The following ICE1 variants were observed in gnomAD, a reference collection of about 807,000 sequenced individuals.
The protein encoded by ICE1 is interactor of little elongation complex ELL subunit 1.
ICE1 carries 64 observed loss-of-function variants against 192.7 expected under a neutral mutation model. The ratio of observed to expected loss-of-function variants is 0.33; its 90% CI spans 0.27 to 0.41. ICE1 has a LOEUF of 0.41. Ranked by LOEUF, ICE1 falls within the 10% of genes least tolerant of loss-of-function variation. ICE1 has a pLI of 1.00. For synonymous variants in ICE1, 1,010 were observed against 984.5 expected (o/e 1.03, Z -0.49); for missense variants, 2,708 against 2,696.0 (o/e 1.00, Z -0.10).
In ICE1 at chr5:5,460,572, G is replaced by A. The variant is rs1346867049; in HGVS notation, c.1238G>A (p.Ser413Asn). Residue 413 changes from serine (S) to asparagine (N), a missense_variant, in exon 13 of 19, where the codon AGT becomes AAT. Around this residue, in one of 2 missense-constraint regions of ICE1, gnomAD observed 2,366 missense variants for 2,276.6 expected, o/e 1.04. Coordinates refer to ENST00000296564, the MANE Select transcript of ICE1 (RefSeq NM_015325.3). ...YFGSLRKNKGSGTWEEKPKSH... is the reference protein window; with the variant it reads ...YFGSLRKNKGNGTWEEKPKSH... ...GGCTCATTGAGAAAAAATAAAGGAA[G>A]TGGCACATGGGAGGAAAAGCCCAAA... The A allele has an allele frequency of 1.9e-6, 3 of 1,612,642 alleles. No individual in the cohort carries two copies. Among genetic ancestry groups the A allele is most frequent in the Non-Finnish European group, 2.5e-6 (3 of 1,179,280 alleles).
In ICE1 at chr5:5,457,312, A is replaced by G; in HGVS notation, c.692-20A>G. 1 of 1,564,872 alleles carries G rather than the reference A, an allele frequency of 6.4e-7. No individual in the cohort carries two copies. Among genetic ancestry groups the G allele is most frequent in the Non-Finnish European group, 8.6e-7 (1 of 1,158,476 alleles). On this transcript the variant is annotated intron_variant, in intron 11 of 18. Coordinates refer to ENST00000296564, the MANE Select transcript of ICE1 (RefSeq NM_015325.3). The stretch of plus-strand genomic sequence containing the variant: ...TTGATATTGTAAATACCTGATACCT[A>G]CTTTTGTTCCCCCACATAGAAAAAC...
chr5:5,476,436 CTA>C (rs1418775006), intron 17 of ICE1, among the ~76,000 whole-genome samples: 2 of 152,116 alleles, frequency 1.3e-5, no homozygotes, highest in Admixed American at 1.3e-4. Context: ...TCTTGCATTG[CTA>C]TATAAAACTA....
Position 5,454,543 on chromosome 5 carries a change from GT to G in ICE1, c.605-6del. On this transcript the variant is annotated splice_region_variant and splice_polypyrimidine_tract_variant and intron_variant, in intron 10 of 18. Transcript: ENST00000296564. ...TGACGTGACTTTAATGCTTTGCTCT[GT>G]TTCACAGGAAAAGTGAAACTGCTTC... is the stretch of plus-strand genomic sequence containing the variant. The G allele has an allele frequency of 6.2e-7, 1 of 1,608,982 alleles. No individual in the cohort carries two copies. The highest frequency in any genetic ancestry group is 8.5e-7 in the Non-Finnish European group (1 of 1,175,998).
At chr5:5,475,612 A>G (rs1443565051) in intron 16 of ICE1, among the ~76,000 whole-genome samples, 1 of 152,232 alleles carries the variant, frequency 6.6e-6, no homozygotes, top group Admixed American at 6.5e-5. Context: ...CTGCCGGATA[A>G]CTTGGCTTCT....
chr5:5,430,577 T>A (rs977200200), intron 1 of ICE1, among the ~76,000 whole-genome samples: 10 of 152,224 alleles, frequency 6.6e-5, no homozygotes, highest in Non-Finnish European at 2.9e-5. Context: ...TCATCCCTGC[T>A]TTCCAAGACA....
chr5:5,444,299 C>G lies in ICE1; in HGVS notation c.397C>G (p.Leu133Val), dbSNP rs1417147164. ...CLKSDAQKKKLEAKVKKLQEA... is the reference protein window; with the variant it reads ...CLKSDAQKKKVEAKVKKLQEA... ...CAATTTCGTTATTAGGAAGAAGAAA[C>G]TAGAAGCTAAGGTGAAGAAGCTGCA... Residue 133 changes from leucine to valine, a missense_variant, in exon 7 of 19, where the codon CTA becomes GTA. Coordinates refer to ENST00000296564, the MANE Select transcript of ICE1 (RefSeq NM_015325.3). 2 of 1,565,990 alleles carry G rather than the reference C, an allele frequency of 1.3e-6. No individual in the cohort carries two copies. Among genetic ancestry groups the G allele is most frequent in the Non-Finnish European group, 1.7e-6 (2 of 1,153,302 alleles).
intron 17 of ICE1, among the ~76,000 whole-genome samples, chr5:5,481,824 C>T (rs118146234): frequency 5.3e-5 from 8 of 152,270 alleles, no homozygotes; most frequent in East Asian, 1.9e-4. Context: ...CTCCAGTATT[C>T]GGTACAGGAA....
At chr5:5,466,108 C>T (rs1401208631) in intron 13 of ICE1, among the ~76,000 whole-genome samples, 1 of 152,160 alleles carries the variant, frequency 6.6e-6, no homozygotes, top group Admixed American at 6.5e-5. Flanking sequence ...ATTTACCAGC[C>T]ATAGGAAACA....
At position 5,468,934 on chromosome 5, in the gene ICE1, A is replaced by AC; in HGVS notation, c.6169dup (p.Arg2057ProfsTer3). ...AAGCAATGCAGTTAGTTGCCAGGCA[A>AC]CGTGCTAAAGGAGAGGTTCTGAACT... On this transcript the variant is annotated frameshift_variant, in exon 15 of 19. Transcript: ENST00000296564. LOFTEE classifies it high-confidence loss of function. 1 of 1,607,126 alleles carries AC rather than the reference A, an allele frequency of 6.2e-7. No homozygotes were observed. The highest frequency in any genetic ancestry group is 8.5e-7 in the Non-Finnish European group (1 of 1,177,274).
At position 5,468,812 on chromosome 5, in the gene ICE1, A is replaced by C; in HGVS notation, c.6062-16A>C. 2 of 1,498,358 alleles carry C rather than the reference A, an allele frequency of 1.3e-6. No individual in the cohort carries two copies. The highest frequency in any genetic ancestry group is 9.1e-7 in the Non-Finnish European group (1 of 1,100,648). 92.8% of individuals were successfully genotyped at this position (1,498,358 alleles called of 1,614,324 possible). ...TCATACATCAAAGAGTTATTGTATT[A>C]TTTTATTTCTGATAGATTTTCCGGA... On this transcript the variant is annotated splice_polypyrimidine_tract_variant and intron_variant, in intron 14 of 18. Coordinates refer to ENST00000296564, the MANE Select transcript of ICE1 (RefSeq NM_015325.3).
At chr5:5,423,059 G>T in intron 1 of ICE1, 60 bp downstream of exon 1, 1 of 1,201,120 alleles carries the variant, frequency 8.3e-7, no homozygotes, top group Non-Finnish European at 1.1e-6. Flanking sequence ...GGCCGGGAGC[G>T]CAGGGATGTG....
chr5:5,458,442 G>A (rs1284458068), intron 12 of ICE1, among the ~76,000 whole-genome samples: 1 of 150,962 alleles, frequency 6.6e-6, no homozygotes, highest in African/African-American at 2.4e-5. Flanking sequence ...GCTGTGTAGA[G>A]CCCTGCAGTG....
intron 11 of ICE1, among the ~76,000 whole-genome samples, chr5:5,455,753 A>G (rs745476486): frequency 3.3e-5 from 5 of 152,208 alleles, no homozygotes; most frequent in Non-Finnish European, 5.9e-5. Context: ...GAGAATCCCC[A>G]TGGATCCCTT....
At chr5:5,477,620 C>T (rs145975960) in intron 17 of ICE1, among the ~76,000 whole-genome samples, 1 of 152,148 alleles carries the variant, frequency 6.6e-6, no homozygotes, top group Non-Finnish European at 1.5e-5. Flanking sequence ...AGAAGGAATC[C>T]TCCCTAACTC....
rs965317050 is a variant in ICE1 at position 5,451,516 on chromosome 5, G to A, written c.605-3036G>A. On this transcript the variant is annotated intron_variant, in intron 10 of 18. Transcript: ENST00000296564. ...ACAAACAGAAGGAAAAACAGCACCA[G>A]GATTGAGAAACAGGTAAAACTACAG... is the stretch of plus-strand genomic sequence containing the variant. Among the ~76,000 whole-genome samples, 6 of 152,042 alleles carry A rather than the reference G, an allele frequency of 3.9e-5. No individual in the cohort carries two copies. The South Asian group carries it at 6.2e-4, about 16-fold the overall frequency.
chr5:5,458,857 A>G (rs1738663357), intron 12 of ICE1, among the ~76,000 whole-genome samples: 2 of 152,124 alleles, frequency 1.3e-5, no homozygotes, highest in Admixed American at 1.3e-4. Context: ...CGGCTTAATA[A>G]GCAGCTCGCT....
chr5:5,467,642 G>T (rs1190905485), intron 14 of ICE1, among the ~76,000 whole-genome samples: 2 of 152,170 alleles, frequency 1.3e-5, no homozygotes, highest in African/African-American at 2.4e-5. Flanking sequence ...TGTAAGGAGA[G>T]AATTTATTTG....
At chr5:5,456,426 C>T (rs1029933676) in intron 11 of ICE1, among the ~76,000 whole-genome samples, 3 of 152,180 alleles carry the variant, frequency 2.0e-5, no homozygotes, top group Admixed American at 2.0e-4. Context: ...GGAATTCTTA[C>T]GTAAGGAAGA....
At chr5:5,436,820 T>A (rs1737884008) in intron 2 of ICE1, among the ~76,000 whole-genome samples, 1 of 152,222 alleles carries the variant, frequency 6.6e-6, no homozygotes, top group Non-Finnish European at 1.5e-5. Context: ...TTCCTATTTT[T>A]TTTGTTTTCA....
Sources: gnomAD v4.1 joint callset for allele counts (sites outside exome capture counted in the v4.1 genomes callset) on GRCh38, gnomAD v4.1.1 for gene constraint, gnomAD v4.1.1 regional missense constraint, MANE v1.5 for transcripts, NCBI Gene and HGNC (gene_info 2026-07-23, HGNC 2026-07-21) for gene names.